NDRG3: variants seen among roughly 807,000 people sequenced by gnomAD.
NDRG3 encodes NDRG family member 3.
In NDRG3, 23 loss-of-function variants were observed where a neutral mutation model predicts 57.2. The observed-to-expected ratio is 0.40, with a 90% CI of 0.29 to 0.57. NDRG3 has a LOEUF of 0.57. Ranked by LOEUF, NDRG3 falls within the 20% of genes least tolerant of loss-of-function variation. The pLI, the probability that NDRG3 is intolerant of heterozygous loss-of-function variation, is 0.42. For synonymous variants in NDRG3, 132 were observed against 162.6 expected, an observed-to-expected ratio of 0.81 and a Z score of 1.43; for missense variants, 384 against 457.3, an observed-to-expected ratio of 0.84 and a Z score of 1.46.
chr20:36,680,878 C>T lies in NDRG3; in HGVS notation c.469G>A (p.Gly157Ser), dbSNP rs766907026. The T allele has an allele frequency of 1.4e-5, 22 of 1,613,880 alleles. No individual in the cohort carries two copies. The Middle Eastern group carries it at 8.2e-4, about 60-fold the overall frequency. Residue 157 changes from glycine (G) to serine (S), a missense_variant, in exon 8 of 16, where the codon GGC (glycine) becomes AGC (serine). Coordinates refer to ENST00000349004, the MANE Select transcript of NDRG3 (RefSeq NM_032013.4). ...FALNHPELVEGLVLINVDPCA... is the reference protein window; with the variant it reads ...FALNHPELVESLVLINVDPCA... Reference sequence around the variant, plus strand: ...GGGTCAACATTAATGAGCACAAGGCCTTCCACAAGCTCTGGATGGTTGAGC... The same window carrying T: ...GGGTCAACATTAATGAGCACAAGGCTTTCCACAAGCTCTGGATGGTTGAGC...
intron 3 of NDRG3, chr20:36,700,434 C>A (rs560485806): frequency 3.8e-6 from 2 of 532,164 alleles, no homozygotes; most frequent in East Asian, 5.5e-5. Flanking sequence ...GAAGCACTCA[C>A]CTCCATGGTG....
intron 1 of NDRG3, among the ~76,000 whole-genome samples, chr20:36,727,605 C>G (rs1985020955): frequency 1.4e-5 from 2 of 145,832 alleles, no homozygotes; most frequent in African/African-American, 5.1e-5. Flanking sequence ...TGCAGTGGCA[C>G]ATCTCAGCTC....
intron 6 of NDRG3, among the ~76,000 whole-genome samples, chr20:36,683,691 TACACAC>T (rs60391182): frequency 2.7e-5 from 4 of 146,736 alleles, no homozygotes; most frequent in East Asian, 2.0e-4. Context: ...CACATATATG[TACACAC>T]ACACACACAC....
At chr20:36,724,194 A>G (rs1984780173) in intron 1 of NDRG3, among the ~76,000 whole-genome samples, 1 of 152,196 alleles carries the variant, frequency 6.6e-6, no homozygotes, top group African/African-American at 2.4e-5. Context: ...AAGCCCTCTT[A>G]TCATTTATTC....
intron 2 of NDRG3, among the ~76,000 whole-genome samples, chr20:36,716,529 T>C (rs1984288643): frequency 8.0e-6 from 1 of 124,782 alleles, no homozygotes; most frequent in African/African-American, 2.9e-5. Flanking sequence ...CGAGACTCCA[T>C]CTCAAAAAAA....
chr20:36,687,196 G>A (rs1224809346), intron 5 of NDRG3, among the ~76,000 whole-genome samples: 2 of 141,686 alleles, frequency 1.4e-5, no homozygotes, highest in African/African-American at 2.6e-5. Flanking sequence ...GGAAGGGAAA[G>A]ATAAAGACAG....
chr20:36,695,962 C>T (rs546548723), intron 3 of NDRG3, among the ~76,000 whole-genome samples: 22 of 152,280 alleles, frequency 1.4e-4, no homozygotes, highest in African/African-American at 4.3e-4. Flanking sequence ...TGTCTCCCCC[C>T]GGACACCCAG....
chr20:36,733,146 CAAAAAAAAAAAAAAA>C lies in NDRG3; in HGVS notation c.-48-11378_-48-11364del, dbSNP rs141850127. Among the ~76,000 whole-genome samples, 25 of 38,954 alleles carry C rather than the reference CAAAAAAAAAAAAAAA, an allele frequency of 6.4e-4. 1 individual carries two copies. Among genetic ancestry groups the C allele is most frequent in the African/African-American group, 1.7e-3 (19 of 10,878 alleles). 25.6% of individuals were successfully genotyped at this position (38,954 alleles called of 152,430 possible). On this transcript the variant is annotated intron_variant, in intron 1 of 15. Transcript: ENST00000349004. The stretch of plus-strand genomic sequence containing the variant: ...TGGGTGACGGAACACGATCCTGTCT[CAAAAAAAAAAAAAAA>C]AAAAAAAAAAATATATATATATATA...
chr20:36,658,099 T>C lies in NDRG3; in HGVS notation c.859-1567A>G, dbSNP rs781350317. Reference sequence around the variant, plus strand: ...ATGCTTTTGTATATTGATTCAAACCTGAAATGAGAAACTAATTTGAAACTA... The same window carrying C: ...ATGCTTTTGTATATTGATTCAAACCCGAAATGAGAAACTAATTTGAAACTA... On this transcript the variant is annotated intron_variant, in intron 13 of 15. Transcript: ENST00000349004. Among the ~76,000 whole-genome samples, 8 of 152,142 alleles carry C rather than the reference T, an allele frequency of 5.3e-5. No individual in the cohort carries two copies. In the East Asian group the frequency reaches 1.5e-3, roughly 29 times the overall value.
At chr20:36,721,809 G>A in intron 1 of NDRG3, 26 bp from the exon 2 acceptor site, 2 of 1,091,414 alleles carry the variant, frequency 1.8e-6, no homozygotes, top group South Asian at 2.7e-5. Flanking sequence ...AAGAAGTGAA[G>A]AAAAAGGCTT....
chr20:36,705,169 A>G (rs1292685345), intron 3 of NDRG3, among the ~76,000 whole-genome samples: 1 of 151,524 alleles, frequency 6.6e-6, no homozygotes, highest in East Asian at 1.9e-4. Context: ...AAAATTAAAA[A>G]AAATTAGCCA....
At chr20:36,721,442 T>C (rs542003349) in intron 2 of NDRG3, among the ~76,000 whole-genome samples, 2 of 151,764 alleles carry the variant, frequency 1.3e-5, no homozygotes, top group Non-Finnish European at 2.9e-5. Flanking sequence ...GGCAAGAGAA[T>C]TGCTTGAACC....
intron 3 of NDRG3, among the ~76,000 whole-genome samples, chr20:36,690,325 A>T (rs533264909): frequency 6.6e-6 from 1 of 152,146 alleles, no homozygotes; most frequent in South Asian, 2.1e-4. Flanking sequence ...AATAGAGCAG[A>T]CAAAAGATGC....
At chr20:36,706,240 T>A (rs1478252742) in intron 3 of NDRG3, among the ~76,000 whole-genome samples, 2 of 152,212 alleles carry the variant, frequency 1.3e-5, no homozygotes, top group East Asian at 3.9e-4. Flanking sequence ...GAAATCTGCA[T>A]ATTGTATTCA....
At chr20:36,728,903 G>A (rs796241899) in intron 1 of NDRG3, among the ~76,000 whole-genome samples, 3 of 152,132 alleles carry the variant, frequency 2.0e-5, no homozygotes, top group African/African-American at 7.2e-5. Flanking sequence ...TGTATTTTTA[G>A]TAGAGACAAG....
At chr20:36,719,472 G>T (rs1399426540) in intron 2 of NDRG3, among the ~76,000 whole-genome samples, 1 of 149,896 alleles carries the variant, frequency 6.7e-6, no homozygotes, top group African/African-American at 2.5e-5. Context: ...GGAGAGAGAA[G>T]TCTGGTGAAA....
chr20:36,652,381 C>T lies in NDRG3; in HGVS notation c.*1139G>A, dbSNP rs2148007022. On this transcript the variant is annotated 3_prime_UTR_variant, in exon 16 of 16. Coordinates refer to ENST00000349004, the MANE Select transcript of NDRG3 (RefSeq NM_032013.4). ...TGAGCCAAGTTTGCGCCATTGCACTCCAGCCTGGGTAACAGCGAGACTCTG... is the reference window on the plus strand; with the variant it reads ...TGAGCCAAGTTTGCGCCATTGCACTTCAGCCTGGGTAACAGCGAGACTCTG... 1 of 151,848 alleles carries T rather than the reference C, an allele frequency of 6.6e-6. No homozygotes were observed. The highest frequency in any genetic ancestry group is 2.1e-4 in the South Asian group (1 of 4,804). 9.4% of individuals were successfully genotyped at this position (151,848 alleles called of 1,614,324 possible).
chr20:36,713,350 T>C (rs1433106640), intron 2 of NDRG3, among the ~76,000 whole-genome samples: 2 of 151,892 alleles, frequency 1.3e-5, no homozygotes, highest in Non-Finnish European at 2.9e-5. Context: ...GAAGGTAAAT[T>C]AAAGCAAGCA....
At chr20:36,722,475 T>C (rs570414178) in intron 1 of NDRG3, among the ~76,000 whole-genome samples, 1 of 152,222 alleles carries the variant, frequency 6.6e-6, no homozygotes, top group Admixed American at 6.5e-5. Flanking sequence ...ATTAATACAA[T>C]AGTCTTTGCT....
Sources: gnomAD v4.1 joint callset for allele counts (sites outside exome capture counted in the v4.1 genomes callset) on GRCh38, gnomAD v4.1.1 for gene constraint, MANE v1.5 for transcripts, NCBI Gene and HGNC (gene_info 2026-07-23, HGNC 2026-07-21) for gene names.